The following SLC47A1 variants were observed in gnomAD, a reference collection of about 807,000 sequenced individuals.
SLC47A1 encodes the protein multidrug and toxin extrusion protein 1.
In SLC47A1, 58 loss-of-function variants were observed where a neutral mutation model predicts 65.8. The ratio of observed to expected loss-of-function variants is 0.88; its 90% CI spans 0.71 to 1.10. The LOEUF (loss-of-function observed/expected upper bound fraction) is 1.10, where lower values mean the gene tolerates loss of function less well. Among genes scored for constraint, SLC47A1 ranks in the 50% least tolerant of loss-of-function variants. The pLI, the probability that SLC47A1 is intolerant of heterozygous loss-of-function variation, is 0.00. For synonymous variants in SLC47A1, 285 were observed against 295.0 expected (o/e 0.97, Z 0.35); for missense variants, 706 against 719.2 (o/e 0.98, Z 0.21).
chr17:19,540,878 C>CACACACACACACACACACACA (rs879334096), intron 1 of SLC47A1, among the ~76,000 whole-genome samples: 7 of 127,128 alleles, frequency 5.5e-5, no homozygotes, highest in African/African-American at 2.5e-4. Context: ...ACACACACAC[C>CACACACACACACACACACACA]CCTAGGGTTA....
At chr17:19,560,141 G>GCTCTGCAGTTTCTCA in intron 10 of SLC47A1, 47 bp from the exon 11 acceptor site, 1 of 1,402,286 alleles carries the variant, frequency 7.1e-7, no homozygotes, top group Non-Finnish European at 9.9e-7. Flanking sequence ...ACGTGTTCTC[G>GCTCTGCAGTTTCTCA]CTCTGCAGTT....
In SLC47A1 at chr17:19,546,767, C is replaced by G. The variant is rs114010846; in HGVS notation, c.306+264C>G. On this transcript the variant is annotated intron_variant, in intron 3 of 16. Transcript: ENST00000270570. The stretch of plus-strand genomic sequence containing the variant: ...TTGTAAAATTCCCTTCTATTGCTCC[C>G]CACGTTTGAATTTGGTATAGTTCTG... Among the ~76,000 whole-genome samples the G allele has an allele frequency of 6.6e-3, 1,011 of 152,218 alleles. 9 individuals are homozygous for G. Among genetic ancestry groups the G allele is most frequent in the African/African-American group, 0.023 (953 of 41,534 alleles).
intron 1 of SLC47A1, among the ~76,000 whole-genome samples, chr17:19,540,422 G>A (rs1423509528): frequency 1.3e-5 from 2 of 152,224 alleles, no homozygotes; most frequent in Non-Finnish European, 2.9e-5. Context: ...GAACTGAACA[G>A]ATTTGGAAGT....
intron 2 of SLC47A1, among the ~76,000 whole-genome samples, 175 bp from the exon 3 acceptor site, chr17:19,546,260 A>G (rs1479902772): frequency 6.6e-6 from 1 of 152,128 alleles, no homozygotes; most frequent in East Asian, 1.9e-4. Context: ...AATTCTTGTT[A>G]AACCTGTGAG....
At chr17:19,560,333 T>G (rs2084299077) in intron 11 of SLC47A1, 37 bp downstream of exon 11, 2 of 1,606,072 alleles carry the variant, frequency 1.2e-6, no homozygotes, top group African/African-American at 1.3e-5. Context: ...CTTGGTGCAG[T>G]CTCTGCATGC....
chr17:19,544,523 C>A (rs574679986), intron 2 of SLC47A1, among the ~76,000 whole-genome samples: 2 of 152,286 alleles, frequency 1.3e-5, no homozygotes, highest in South Asian at 4.1e-4. Flanking sequence ...ATCAGACATC[C>A]TGTGATACCA....
intron 6 of SLC47A1, among the ~76,000 whole-genome samples, chr17:19,553,168 A>T (rs900917926): frequency 1.3e-5 from 2 of 151,976 alleles, no homozygotes; most frequent in African/African-American, 2.4e-5. Flanking sequence ...GTTTGGAGAA[A>T]GTGAATGCCC....
intron 13 of SLC47A1, 45 bp downstream of exon 13, chr17:19,566,904 G>C: frequency 6.2e-7 from 1 of 1,604,598 alleles, no homozygotes; most frequent in South Asian, 1.1e-5. Context: ...ATGATCTTCT[G>C]ATGGTGGTAA....
intron 10 of SLC47A1, among the ~76,000 whole-genome samples, chr17:19,556,614 A>G (rs1916620000): frequency 6.8e-6 from 1 of 147,024 alleles, no homozygotes; most frequent in Non-Finnish European, 1.5e-5. Context: ...GCTGGAGTGC[A>G]ATGGTGTGAT....
chr17:19,567,122 G>T lies in SLC47A1; in HGVS notation c.1203G>T (p.Gly401=), dbSNP rs994226500. 6.2e-7 allele frequency: 1 copy of T among 1,614,068 alleles called. No homozygotes were observed. The highest frequency in any genetic ancestry group is 1.3e-5 in the African/African-American group (1 of 74,926). Reference sequence around the variant, plus strand: ...GCACGAGTGGTGGTGTTCTGAGGGGGAGTGGAAATCAGAAGGTTGGAGCCA... The same window carrying T: ...GCACGAGTGGTGGTGTTCTGAGGGGTAGTGGAAATCAGAAGGTTGGAGCCA... ...LACTSGGVLR[G]SGNQKVGAIV... The change falls in exon 14 of 17, where the codon GGG becomes GGT. Residue 401 remains glycine (G), a synonymous_variant. Coordinates refer to ENST00000270570, the MANE Select transcript of SLC47A1 (RefSeq NM_018242.3).
intron 10 of SLC47A1, 75 bp from the exon 11 acceptor site, chr17:19,560,113 A>C: frequency 2.8e-6 from 3 of 1,067,166 alleles, no homozygotes; most frequent in Non-Finnish European, 4.2e-6. Context: ...GGTGTGAGGC[A>C]TGAGGCTGCT....
At chr17:19,576,526 T>C (rs2084441536) in intron 16 of SLC47A1, among the ~76,000 whole-genome samples, 1 of 151,774 alleles carries the variant, frequency 6.6e-6, no homozygotes, top group Non-Finnish European at 1.5e-5. Context: ...AAGTTTTTGT[T>C]TGTAGAGATG....
At chr17:19,552,841 T>A (rs568610289) in intron 6 of SLC47A1, among the ~76,000 whole-genome samples, 1 of 152,216 alleles carries the variant, frequency 6.6e-6, no homozygotes, top group East Asian at 1.9e-4. Flanking sequence ...GATGATGGCA[T>A]CGAGAGGCGG....
At chr17:19,571,674 C>G (rs2084401156) in intron 15 of SLC47A1, 102 bp downstream of exon 15, 1 of 850,448 alleles carries the variant, frequency 1.2e-6, no homozygotes, top group Non-Finnish European at 1.9e-6. Context: ...TTCTCATTTT[C>G]TTTATTCTTA....
intron 1 of SLC47A1, among the ~76,000 whole-genome samples, chr17:19,536,098 C>A (rs2152311500): frequency 6.6e-6 from 1 of 152,034 alleles, no homozygotes; most frequent in East Asian, 1.9e-4. Context: ...CCATGCCTGG[C>A]TAATTTTTGT....
At chr17:19,559,523 ATTTAT>A (rs571083106) in intron 10 of SLC47A1, among the ~76,000 whole-genome samples, 176 of 152,166 alleles carry the variant, frequency 1.2e-3, no homozygotes, top group African/African-American at 4.2e-3. Context: ...CCCTGTCCCT[ATTTAT>A]TTTATTTTAT....
At chr17:19,562,074 A>G (rs1163882281) in intron 12 of SLC47A1, among the ~76,000 whole-genome samples, 1 of 152,188 alleles carries the variant, frequency 6.6e-6, no homozygotes, top group Non-Finnish European at 1.5e-5. Context: ...GACTATATAG[A>G]AACTTCGTGG....
Position 19,577,444 on chromosome 17 carries a change from C to T in SLC47A1, c.1604C>T (p.Ala535Val). ...EPLPEHPQDG[A>V]KLSRKQLVLR... ...TTGCCGGAACATCCACAGGACGGCG[C>T]TAAATTGTCCAGGAAACAGCTGGTG... is the stretch of plus-strand genomic sequence containing the variant. Residue 535 changes from alanine to valine, a missense_variant, in exon 17 of 17, where the codon GCT (alanine) becomes GTT (valine). By Grantham distance (64) the Ala-to-Val change is moderately conservative. Transcript: ENST00000270570. The T allele has an allele frequency of 6.2e-7, 1 of 1,614,188 alleles. No individual in the cohort carries two copies. The highest frequency in any genetic ancestry group is 8.5e-7 in the Non-Finnish European group (1 of 1,180,032).
chr17:19,578,259 G>A lies in SLC47A1; in HGVS notation c.*706G>A, dbSNP rs1300709493. ...TCCAAACAAAGACTGATAATTCCTG[G>A]TAGGGGTGTGTGCGTGACGTACTGC... On this transcript the variant is annotated 3_prime_UTR_variant, in exon 17 of 17. Coordinates refer to ENST00000270570, the MANE Select transcript of SLC47A1 (RefSeq NM_018242.3). The A allele has an allele frequency of 5.8e-6, 2 of 343,654 alleles. No homozygotes were observed. Among genetic ancestry groups the A allele is most frequent in the East Asian group, 1.7e-4 (2 of 11,668 alleles). The allele number at this position is 343,654 out of a possible 1,614,324, so 21.3% of individuals were successfully genotyped here.
Sources: gnomAD v4.1 joint callset for allele counts (sites outside exome capture counted in the v4.1 genomes callset) on GRCh38, gnomAD v4.1.1 for gene constraint, MANE v1.5 for transcripts, NCBI Gene and HGNC (gene_info 2026-07-23, HGNC 2026-07-21) for gene names.